TMX3: variants seen among roughly 807,000 people sequenced by gnomAD.
TMX3 encodes thioredoxin related transmembrane protein 3.
In TMX3, 40 loss-of-function variants were observed where a neutral mutation model predicts 64.4. That is an observed-to-expected ratio of 0.62 (90% confidence interval 0.48 to 0.81). The LOEUF is 0.81. Among genes scored for constraint, TMX3 ranks in the 30% least tolerant of loss-of-function variants. The pLI, the probability that TMX3 is intolerant of heterozygous loss-of-function variation, is 0.00. For synonymous variants in TMX3, 189 were observed against 175.7 expected (o/e 1.08, Z -0.60); for missense variants, 497 against 534.5 (o/e 0.93, Z 0.69).
chr18:68,691,153 C>A, intron 9 of TMX3, 142 bp downstream of exon 9: 1 of 466,322 alleles, frequency 2.1e-6, no homozygotes, highest in Non-Finnish European at 3.7e-6. Flanking sequence ...TGAAAAAAAA[C>A]CCAAAACATC....
chr18:68,703,367 A>G (rs2030319202), intron 4 of TMX3, among the ~76,000 whole-genome samples: 1 of 152,208 alleles, frequency 6.6e-6, no homozygotes, highest in African/African-American at 2.4e-5. Context: ...ATTTATACAC[A>G]AATCAAATAA....
intron 8 of TMX3, among the ~76,000 whole-genome samples, chr18:68,693,386 G>C (rs1205555286): frequency 6.6e-6 from 1 of 152,064 alleles, no homozygotes; most frequent in Non-Finnish European, 1.5e-5. Flanking sequence ...AGTGGTTCTG[G>C]ACCCTGGCAT....
intron 13 of TMX3, among the ~76,000 whole-genome samples, chr18:68,682,692 A>G (rs1002179380): frequency 6.7e-6 from 1 of 150,074 alleles, no homozygotes; most frequent in Non-Finnish European, 1.5e-5. Flanking sequence ...ACTAGAAAAC[A>G]TTAAATCAGG....
chr18:68,676,802 C>A lies in TMX3; in HGVS notation c.*131G>T. The A allele has an allele frequency of 2.6e-6, 3 of 1,142,256 alleles. No individual in the cohort carries two copies. Among genetic ancestry groups the A allele is most frequent in the Non-Finnish European group, 3.6e-6 (3 of 827,798 alleles). 70.8% of individuals were successfully genotyped at this position (1,142,256 alleles called of 1,614,324 possible). A position where few individuals can be genotyped will look rare whatever the true frequency, so the allele number is the denominator to read the frequency against. On this transcript the variant is annotated 3_prime_UTR_variant, in exon 16 of 16. Coordinates refer to ENST00000299608, the MANE Select transcript of TMX3 (RefSeq NM_019022.5). ...CATGTATGGAGGGACTACTTTAATCCATGCAGTTGATATTAGCAAAATACG... is the reference window on the plus strand; with the variant it reads ...CATGTATGGAGGGACTACTTTAATCAATGCAGTTGATATTAGCAAAATACG...
chr18:68,694,673 T>G (rs1914883564), intron 8 of TMX3, among the ~76,000 whole-genome samples: 1 of 152,092 alleles, frequency 6.6e-6, no homozygotes, highest in African/African-American at 2.4e-5. Flanking sequence ...AACGACACCC[T>G]AAGGATCCCG....
chr18:68,685,468 T>G (rs914276697), intron 10 of TMX3, among the ~76,000 whole-genome samples: 1 of 152,236 alleles, frequency 6.6e-6, no homozygotes, highest in African/African-American at 2.4e-5. Flanking sequence ...ATATCTCGTT[T>G]GCTATTCTTT....
At chr18:68,705,951 A>G (rs754259288) in intron 4 of TMX3, among the ~76,000 whole-genome samples, 10 of 152,256 alleles carry the variant, frequency 6.6e-5, no homozygotes, top group Non-Finnish European at 1.5e-4. Context: ...AAAGACTCCT[A>G]GAAATGTATA....
chr18:68,701,063 A>C (rs1180549459), intron 5 of TMX3: 36 of 961,004 alleles, frequency 3.7e-5, no homozygotes, highest in Non-Finnish European at 4.3e-5. Flanking sequence ...AATACCTACA[A>C]TTAAACAGAA....
chr18:68,690,520 G>C (rs893841966), intron 9 of TMX3, among the ~76,000 whole-genome samples: 2 of 152,138 alleles, frequency 1.3e-5, no homozygotes, highest in African/African-American at 2.4e-5. Flanking sequence ...GCACGGTTTG[G>C]AAAACACGAA....
At chr18:68,713,156 G>C (rs997627516) in intron 2 of TMX3, among the ~76,000 whole-genome samples, 22 of 152,098 alleles carry the variant, frequency 1.4e-4, no homozygotes, top group Admixed American at 1.0e-3. Flanking sequence ...CTCTTTATGG[G>C]GGGTGAGAGA....
intron 10 of TMX3, chr18:68,687,332 T>C: frequency 6.1e-6 from 6 of 985,430 alleles, no homozygotes; most frequent in Non-Finnish European, 7.2e-6. Context: ...ATAAATAGGT[T>C]GTGCTAAGTT....
intron 1 of TMX3, among the ~76,000 whole-genome samples, 156 bp downstream of exon 1, chr18:68,714,780 G>A (rs983433919): frequency 1.3e-5 from 2 of 152,356 alleles, no homozygotes; most frequent in East Asian, 1.9e-4. Flanking sequence ...GGGCCAGGCA[G>A]GGTGGCGCGG....
rs138563564 is a variant in TMX3 at position 68,698,754 on chromosome 18, T to C, written c.393-723A>G. Among the ~76,000 whole-genome samples, 955 of 152,128 alleles carry C rather than the reference T, an allele frequency of 6.3e-3. 4 individuals are homozygous for C. The highest frequency in any genetic ancestry group is 8.8e-3 in the Non-Finnish European group (597 of 67,954). On this transcript the variant is annotated intron_variant, in intron 6 of 15. Coordinates refer to ENST00000299608, the MANE Select transcript of TMX3 (RefSeq NM_019022.5). The stretch of plus-strand genomic sequence containing the variant: ...GAAGAGGGCCGGGGGCGGTGGCTCA[T>C]GCCTGTACTCTCAGCACTTTGGGAG...
rs1912917959 is a variant in TMX3, at chr18:68,676,272, T to A, written c.*661A>T. On this transcript the variant is annotated 3_prime_UTR_variant, in exon 16 of 16. Transcript: ENST00000299608. ...CTCTACTCAGTAAATCCTGTTTATT[T>A]TGCGAAAGTCAATCACAAGACTTTT... is the stretch of plus-strand genomic sequence containing the variant. The A allele has an allele frequency of 6.6e-6, 1 of 152,228 alleles. No individual in the cohort carries two copies. The highest frequency in any genetic ancestry group is 1.5e-5 in the Non-Finnish European group (1 of 68,090). The allele number at this position is 152,228 out of a possible 1,614,324, so 9.4% of individuals were successfully genotyped here.
In TMX3 at chr18:68,715,023, G is replaced by T; in HGVS notation, c.-42C>A. 6.4e-7 allele frequency: 1 copy of T among 1,554,626 alleles called. No individual in the cohort carries two copies. The highest frequency in any genetic ancestry group is 8.7e-7 in the Non-Finnish European group (1 of 1,149,412). On this transcript the variant is annotated 5_prime_UTR_variant, in exon 1 of 16. Transcript: ENST00000299608. ...TGCAGAAGCTGACTGTGCAAAAGAG[G>T]GATAAAGACACTGGGGTCCGCCGCC...
intron 9 of TMX3, chr18:68,688,060 A>T (rs936203171): frequency 5.2e-6 from 1 of 191,360 alleles, no homozygotes; most frequent in Non-Finnish European, 1.1e-5. Context: ...GTCGATAAAG[A>T]TCATTTATAA....
At chr18:68,698,280 C>T (rs1915313679) in intron 6 of TMX3, among the ~76,000 whole-genome samples, 1 of 152,136 alleles carries the variant, frequency 6.6e-6, no homozygotes, top group Non-Finnish European at 1.5e-5. Flanking sequence ...GTCAAAACAT[C>T]CATTCAGAGA....
chr18:68,712,027 G>C (rs1445632643), intron 2 of TMX3, among the ~76,000 whole-genome samples: 1 of 152,120 alleles, frequency 6.6e-6, no homozygotes, highest in Admixed American at 6.5e-5. Flanking sequence ...CATATGACGA[G>C]CCCATTGTTT....
chr18:68,707,861 T>C (rs1216314083), intron 4 of TMX3, among the ~76,000 whole-genome samples: 3 of 152,136 alleles, frequency 2.0e-5, no homozygotes, highest in Non-Finnish European at 4.4e-5. Context: ...AGTGAATACA[T>C]GAATAAGCGC....
Sources: gnomAD v4.1 joint callset for allele counts (sites outside exome capture counted in the v4.1 genomes callset) on GRCh38, gnomAD v4.1.1 for gene constraint, MANE v1.5 for transcripts, NCBI Gene and HGNC (gene_info 2026-07-23, HGNC 2026-07-21) for gene names.